GRK5: variants seen among roughly 807,000 people sequenced by gnomAD.
GRK5 encodes G protein-coupled receptor kinase 5.
In GRK5, 40 loss-of-function variants were observed where a neutral mutation model predicts 78.4. The observed-to-expected ratio is 0.51, with a 90% CI of 0.40 to 0.66. The LOEUF (loss-of-function observed/expected upper bound fraction) is 0.66. Among genes scored for constraint, GRK5 ranks in the 30% least tolerant of loss-of-function variants. The pLI, the probability that GRK5 is intolerant of heterozygous loss-of-function variation, is 0.00. For synonymous variants in GRK5, 289 were observed against 296.8 expected (o/e 0.97, Z 0.27); for missense variants, 598 against 759.9 (o/e 0.79, Z 2.50).
chr10:119,448,085 G>A (rs754299124), intron 12 of GRK5, 38 bp from the exon 13 acceptor site: 1 of 1,507,368 alleles, frequency 6.6e-7, no homozygotes, highest in South Asian at 1.4e-5. Flanking sequence ...AGGAGGAGAG[G>A]CCCAGGGGAC....
intron 2 of GRK5, among the ~76,000 whole-genome samples, chr10:119,364,288 C>T (rs1283419649): frequency 1.3e-5 from 2 of 152,170 alleles, no homozygotes; most frequent in Admixed American, 6.5e-5. Flanking sequence ...GAGGGGTTCC[C>T]TTGGGGGTGG....
intron 4 of GRK5, among the ~76,000 whole-genome samples, chr10:119,409,066 C>T (rs1399297924): frequency 2.0e-5 from 3 of 152,186 alleles, no homozygotes; most frequent in African/African-American, 7.2e-5. Flanking sequence ...GAGGCGGTGT[C>T]GGGCTGACGT....
At chr10:119,332,911 T>C (rs2133772252) in intron 2 of GRK5, among the ~76,000 whole-genome samples, 1 of 152,354 alleles carries the variant, frequency 6.6e-6, no homozygotes, top group East Asian at 1.9e-4. Context: ...CATACCCTCC[T>C]TCTAATTGCA....
intron 1 of GRK5, among the ~76,000 whole-genome samples, chr10:119,300,327 T>C (rs1314740174): frequency 1.3e-5 from 2 of 152,196 alleles, no homozygotes; most frequent in African/African-American, 4.8e-5. Flanking sequence ...TGTGTTACCT[T>C]CTAAAGGACT....
At position 119,238,503 on chromosome 10, in the gene GRK5, C is replaced by T. The variant is rs1441348110; in HGVS notation, c.52+30534C>T. On this transcript the variant is annotated intron_variant, in intron 1 of 15. Coordinates refer to ENST00000392870, the MANE Select transcript of GRK5 (RefSeq NM_005308.3). This position sits in a 1 kb window ranked among gnomAD's most constrained non-coding sequence, Gnocchi z 4.7. ...ACCGCCTGAGAAATTTCTGGAACTGCGTTTAGTCTCAGTACATTAGGATTA... is the reference window on the plus strand; with the variant it reads ...ACCGCCTGAGAAATTTCTGGAACTGTGTTTAGTCTCAGTACATTAGGATTA... 6.6e-6 allele frequency among the ~76,000 whole-genome samples: 1 copy of T among 151,980 alleles called. No individual in the cohort carries two copies. The highest frequency in any genetic ancestry group is 1.5e-5 in the Non-Finnish European group (1 of 68,026).
At chr10:119,401,337 G>A (rs1009888271) in intron 4 of GRK5, among the ~76,000 whole-genome samples, 3 of 152,220 alleles carry the variant, frequency 2.0e-5, no homozygotes, top group Non-Finnish European at 4.4e-5. Flanking sequence ...CCACTCCGTA[G>A]ACCCTGCCTC....
At chr10:119,241,332 A>G (rs1849022281) in intron 1 of GRK5, among the ~76,000 whole-genome samples, 1 of 151,920 alleles carries the variant, frequency 6.6e-6, no homozygotes, top group Non-Finnish European at 1.5e-5. Context: ...ACCCTAGAAC[A>G]CCTTTGTGTC....
intron 2 of GRK5, among the ~76,000 whole-genome samples, chr10:119,327,103 G>A (rs1850692472): frequency 1.3e-5 from 2 of 151,792 alleles, no homozygotes; most frequent in Admixed American, 6.6e-5. Flanking sequence ...GGTGGGGGAT[G>A]TGGGGTGAGG....
In GRK5 at chr10:119,455,222, G is replaced by C. The variant is rs1853382039; in HGVS notation, c.*155G>C. On this transcript the variant is annotated 3_prime_UTR_variant, in exon 16 of 16. Transcript: ENST00000392870. ...CATCCCGTCGACGTAGAACCTCGAG[G>C]TTTCTCAAAGAAATTTCCACTCAGG... 1.4e-6 allele frequency: 1 copy of C among 721,892 alleles called. No homozygotes were observed. 44.7% of individuals were successfully genotyped at this position (721,892 alleles called of 1,614,324 possible).
At chr10:119,442,272 G>A (rs1431481189) in intron 11 of GRK5, among the ~76,000 whole-genome samples, 184 bp downstream of exon 11, 2 of 152,224 alleles carry the variant, frequency 1.3e-5, no homozygotes, top group African/African-American at 4.8e-5. Context: ...GGAGCACAGG[G>A]GCCCCAGATG....
intron 3 of GRK5, 54 bp from the exon 4 acceptor site, chr10:119,396,641 A>G: frequency 2.8e-6 from 4 of 1,420,802 alleles, no homozygotes; most frequent in Non-Finnish European, 3.0e-6. Flanking sequence ...TTCTGTAACT[A>G]TAAGAAGCTC....
At chr10:119,326,393 C>A in intron 1 of GRK5, 123 bp from the exon 2 acceptor site, 1 of 713,476 alleles carries the variant, frequency 1.4e-6, no homozygotes, top group South Asian at 1.6e-5. Flanking sequence ...GGGGGTGTGT[C>A]ACTGGCTTGG....
intron 1 of GRK5, among the ~76,000 whole-genome samples, chr10:119,288,647 A>G (rs1849899516): frequency 6.6e-6 from 1 of 152,084 alleles, no homozygotes; most frequent in Non-Finnish European, 1.5e-5. Context: ...ACGTGACCCC[A>G]CACCCTGCGT....
intron 1 of GRK5, among the ~76,000 whole-genome samples, chr10:119,274,215 C>T (rs1015910219): frequency 6.6e-5 from 10 of 152,060 alleles, no homozygotes; most frequent in African/African-American, 1.4e-4. Flanking sequence ...TGGCCAGCAC[C>T]GAGATTAGAA....
Position 119,405,409 on chromosome 10 carries a change from T to C in GRK5, c.339+8637T>C, listed in dbSNP as rs923241596. ...GGTAAGACAGGGAAGTTGGTTCTTG[T>C]GAAGGGGGAAGTTACCCATCAGCCT... On this transcript the variant is annotated intron_variant, in intron 4 of 15. Coordinates refer to ENST00000392870, the MANE Select transcript of GRK5 (RefSeq NM_005308.3). 2.6e-5 allele frequency among the ~76,000 whole-genome samples: 4 copies of C among 152,178 alleles called. No individual in the cohort carries two copies. The East Asian group carries it at 7.7e-4, about 29-fold the overall frequency.
rs528993613 is a variant in GRK5, at chr10:119,455,203, G to A, written c.*136G>A. ...GCCGGGGAAGGAGGCCGTCCATCCC[G>A]TCGACGTAGAACCTCGAGGTTTCTC... On this transcript the variant is annotated 3_prime_UTR_variant, in exon 16 of 16. Coordinates refer to ENST00000392870, the MANE Select transcript of GRK5 (RefSeq NM_005308.3). 170 of 758,520 alleles carry A rather than the reference G, an allele frequency of 2.2e-4. 1 individual carries two copies. In the African/African-American group the frequency reaches 2.3e-3, roughly 10 times the overall value. 47.0% of individuals were successfully genotyped at this position (758,520 alleles called of 1,614,324 possible). A position where few individuals can be genotyped will look rare whatever the true frequency, so the allele number is the denominator to read the frequency against.
At chr10:119,232,705 C>T (rs1848850594) in intron 1 of GRK5, among the ~76,000 whole-genome samples, 1 of 152,172 alleles carries the variant, frequency 6.6e-6, no homozygotes, top group African/African-American at 2.4e-5. Flanking sequence ...GTGACTTGCT[C>T]CTACTTGTCT....
intron 2 of GRK5, among the ~76,000 whole-genome samples, chr10:119,331,130 C>G (rs540015182): frequency 6.6e-6 from 1 of 152,292 alleles, no homozygotes; most frequent in East Asian, 1.9e-4. Flanking sequence ...GGACCACCCC[C>G]CCGCCGCGAC....
At chr10:119,331,740 A>G (rs1036152397) in intron 2 of GRK5, among the ~76,000 whole-genome samples, 2 of 152,240 alleles carry the variant, frequency 1.3e-5, no homozygotes, top group African/African-American at 4.8e-5. Flanking sequence ...TTCTGCCTTC[A>G]GCCCTGCCCT....
Sources: gnomAD v4.1 joint callset for allele counts (sites outside exome capture counted in the v4.1 genomes callset) on GRCh38, gnomAD v4.1.1 for gene constraint, Gnocchi (gnomAD v3.1) non-coding constraint, MANE v1.5 for transcripts, NCBI Gene and HGNC (gene_info 2026-07-23, HGNC 2026-07-21) for gene names.